VPS37A: variants seen among roughly 807,000 people sequenced by gnomAD.
The protein encoded by VPS37A is VPS37A subunit of ESCRT-I, also known as vacuolar protein sorting-associated protein 37A.
VPS37A carries 30 observed loss-of-function variants against 49.8 expected under a neutral mutation model. The ratio of observed to expected loss-of-function variants is 0.60; its 90% CI spans 0.45 to 0.82. The LOEUF is 0.82. Among genes scored for constraint, VPS37A ranks in the 40% least tolerant of loss-of-function variants. The pLI is 0.00. For missense variants in VPS37A, 593 were observed against 464.4 expected, an observed-to-expected ratio of 1.28 and a Z score of -2.55; for synonymous variants, 195 against 160.6, an observed-to-expected ratio of 1.21 and a Z score of -1.62.
intron 1 of VPS37A, chr8:17,248,406 C>G: frequency 2.2e-6 from 1 of 455,316 alleles, no homozygotes; most frequent in Non-Finnish European, 4.4e-6. Flanking sequence ...CTCCGAGTAG[C>G]TGGGATTACA....
chr8:17,304,261 CTTT>C, downstream of VPS37A: 1 of 1,165,990 alleles, frequency 8.6e-7, no homozygotes, highest in Admixed American at 2.3e-5. Context: ...CCTCTGGTGT[CTTT>C]TGTGTCCAAT....
intron 3 of VPS37A, among the ~76,000 whole-genome samples, 180 bp from the exon 4 acceptor site, chr8:17,268,676 C>A (rs959662341): frequency 6.6e-6 from 1 of 152,084 alleles, no homozygotes; most frequent in Non-Finnish European, 1.5e-5. Flanking sequence ...TTACTAATCA[C>A]CAGATATTTA....
In VPS37A at chr8:17,296,800, A is replaced by G. The variant is rs1816678282; in HGVS notation, c.*1814A>G. 6.6e-6 allele frequency: 1 copy of G among 152,186 alleles called. No individual in the cohort carries two copies. The highest frequency in any genetic ancestry group is 6.5e-5 in the Admixed American group (1 of 15,268). The allele number at this position is 152,186 out of a possible 1,614,324, so 9.4% of individuals were successfully genotyped here. ...TTCTACATAATCACATGAGTAGTTC[A>G]TCTCAGTGTTTTTTATTCTTTAAAG... On this transcript the variant is annotated 3_prime_UTR_variant, in exon 12 of 12. Transcript: ENST00000324849.
At position 17,276,392 on chromosome 8, in the gene VPS37A, T is replaced by C. The variant is rs538365427; in HGVS notation, c.643-5T>C. ...AATTTAATATCATTTAAAACTTTTC[T>C]TTAGACAAGCCAAAATGGTTTTGGG... is the stretch of plus-strand genomic sequence containing the variant. On this transcript the variant is annotated splice_region_variant and splice_polypyrimidine_tract_variant and intron_variant, in intron 5 of 11. Transcript: ENST00000324849. 2.1e-5 allele frequency: 34 copies of C among 1,608,758 alleles called. No homozygotes were observed. In the East Asian group the frequency reaches 7.2e-4, roughly 34 times the overall value.
At chr8:17,315,937 C>T in the VPS37A span, among the ~76,000 whole-genome samples, 1 of 152,158 alleles carries the variant, frequency 6.6e-6, no homozygotes, top group Non-Finnish European at 1.5e-5. Flanking sequence ...CACTTCAACC[C>T]AGGAGTTTGA....
At chr8:17,320,002 A>C in the VPS37A span, among the ~76,000 whole-genome samples, 1 of 152,214 alleles carries the variant, frequency 6.6e-6, no homozygotes, top group East Asian at 1.9e-4. Flanking sequence ...AATATGAATC[A>C]AATTTTAAAG....
rs1446267560 is a variant in VPS37A at position 17,286,387 on chromosome 8, A to C, written c.1154A>C (p.Gln385Pro). The C allele has an allele frequency of 9.3e-6, 15 of 1,613,804 alleles. No individual in the cohort carries two copies. The highest frequency in any genetic ancestry group is 1.3e-5 in the Non-Finnish European group (15 of 1,179,916). Residue 385 changes from glutamine to proline, a missense_variant, in exon 11 of 12, where the codon CAG becomes CCG. Physicochemically the swap from Gln to Pro is moderately conservative, Grantham distance 76. Coordinates refer to ENST00000324849, the MANE Select transcript of VPS37A (RefSeq NM_152415.3). ...CRRAKEEKLQQAIAMHSQFHA... is the reference protein window; with the variant it reads ...CRRAKEEKLQPAIAMHSQFHA... ...AGAGCCAAGGAAGAGAAACTTCAGCAGGCGATAGCAATGCACAGCCAATTT... is the reference window on the plus strand; with the variant it reads ...AGAGCCAAGGAAGAGAAACTTCAGCCGGCGATAGCAATGCACAGCCAATTT...
intron 1 of VPS37A, among the ~76,000 whole-genome samples, chr8:17,250,220 T>G (rs374853506): frequency 6.6e-6 from 1 of 152,312 alleles, no homozygotes; most frequent in East Asian, 1.9e-4. Context: ...GCTTTACTTC[T>G]GAGGCCCTCC....
At chr8:17,274,618 T>G (rs191756643) in intron 4 of VPS37A, 115 bp from the exon 5 acceptor site, 2 of 660,882 alleles carry the variant, frequency 3.0e-6, no homozygotes, top group Admixed American at 6.3e-5. Flanking sequence ...TCACCTGCCA[T>G]TATAACATTT....
the VPS37A span, among the ~76,000 whole-genome samples, chr8:17,324,168 G>C: frequency 6.6e-6 from 1 of 152,146 alleles, no homozygotes; most frequent in African/African-American, 2.4e-5. Context: ...TTCTGCTCTA[G>C]GTCAAAATTG....
Position 17,295,141 on chromosome 8 carries a change from A to T in VPS37A, c.*155A>T, listed in dbSNP as rs1816527601. 6.6e-6 allele frequency: 1 copy of T among 152,668 alleles called. No homozygotes were observed. The highest frequency in any genetic ancestry group is 6.5e-5 in the Admixed American group (1 of 15,286). 9.5% of individuals were successfully genotyped at this position (152,668 alleles called of 1,614,324 possible). On this transcript the variant is annotated 3_prime_UTR_variant, in exon 12 of 12. Transcript: ENST00000324849. The stretch of plus-strand genomic sequence containing the variant: ...CAGAACTGAGACTGATTTTGTACCG[A>T]TTAGAATGATTGCTATGATCTTTGA...
chr8:17,302,455 G>A, downstream of VPS37A: 2 of 622,768 alleles, frequency 3.2e-6, no homozygotes, highest in Middle Eastern at 3.2e-4. Context: ...TTTTTTTCTT[G>A]GGTCAGTAAA....
rs944325895 is a variant in VPS37A at position 17,263,788 on chromosome 8, A to G, written c.126-2119A>G. 2.6e-5 allele frequency among the ~76,000 whole-genome samples: 4 copies of G among 152,032 alleles called. No individual in the cohort carries two copies. In the South Asian group the frequency reaches 6.2e-4, roughly 24 times the overall value. On this transcript the variant is annotated intron_variant, in intron 1 of 11. Transcript: ENST00000324849. ...GTGAAACCCCTTATCTACAAAATATATATATAACCGGGTGTGGTGGCACAC... is the reference window on the plus strand; with the variant it reads ...GTGAAACCCCTTATCTACAAAATATGTATATAACCGGGTGTGGTGGCACAC...
chr8:17,275,042 A>G (rs1814385450), intron 5 of VPS37A, 84 bp downstream of exon 5: 2 of 1,272,092 alleles, frequency 1.6e-6, no homozygotes, highest in Non-Finnish European at 2.2e-6. Flanking sequence ...TCTGTGTGCC[A>G]GATAATAAGT....
chr8:17,300,215 T>C (rs148830623), downstream of VPS37A: 52 of 1,601,714 alleles, frequency 3.2e-5, no homozygotes, highest in Middle Eastern at 3.3e-4. Context: ...TTTTGAATTT[T>C]TTCCAGCCTC....
the VPS37A span, chr8:17,313,363 A>G: frequency 6.2e-7 from 1 of 1,612,970 alleles, no homozygotes; most frequent in Non-Finnish European, 8.5e-7. Context: ...TCCAGACCCC[A>G]CAGGAAATCA....
rs1019532009 is a variant in VPS37A at position 17,295,335 on chromosome 8, G to T, written c.*349G>T. ...TCATTTAAATTTGTATTTTTAACTT[G>T]AAGTTCCATTTCTTTATCAAGGATG... On this transcript the variant is annotated 3_prime_UTR_variant, in exon 12 of 12. Transcript: ENST00000324849. The T allele has an allele frequency of 8.5e-5, 13 of 152,458 alleles. No homozygotes were observed. Among genetic ancestry groups the T allele is most frequent in the African/African-American group, 3.1e-4 (13 of 41,422 alleles). 9.4% of individuals were successfully genotyped at this position (152,458 alleles called of 1,614,324 possible). A position where few individuals can be genotyped will look rare whatever the true frequency, so the allele number is the denominator to read the frequency against.
chr8:17,284,765 A>G (rs1815429653), intron 10 of VPS37A, 149 bp downstream of exon 10: 4 of 1,067,054 alleles, frequency 3.7e-6, no homozygotes, highest in East Asian at 3.2e-5. Flanking sequence ...GAAGGTTTCT[A>G]TTCCTTGGGT....
At chr8:17,248,259 C>CG in intron 1 of VPS37A, 1 of 426,978 alleles carries the variant, frequency 2.3e-6, no homozygotes, top group Non-Finnish European at 4.6e-6. Flanking sequence ...AGTCCCTAAC[C>CG]CCTTTTTTTT....
Sources: allele counts gnomAD v4.1 joint callset (sites outside exome capture counted in the v4.1 genomes callset), GRCh38; gene constraint gnomAD v4.1.1; transcripts MANE v1.5; gene names NCBI Gene and HGNC (gene_info 2026-07-23, HGNC 2026-07-21).